Variants in FOXP1 observed in about 807,000 individuals in gnomAD.
FOXP1 encodes the protein forkhead box P1.
A neutral mutation model predicts 98.2 loss-of-function variants in FOXP1; 15 were observed. The observed-to-expected ratio is 0.15, with a 90% CI of 0.10 to 0.24. The LOEUF (loss-of-function observed/expected upper bound fraction) is 0.24. Among genes scored for constraint, FOXP1 ranks in the 10% least tolerant of loss-of-function variants. The probability of loss-of-function intolerance (pLI) is 1.00; values close to 1 mark genes in which losing one functional copy is unlikely to be tolerated. For synonymous variants in FOXP1, 371 were observed against 314.5 expected (o/e 1.18, Z -1.90); for missense variants, 633 against 848.5 (o/e 0.75, Z 3.15).
intron 3 of FOXP1, among the ~76,000 whole-genome samples, chr3:71,466,349 C>T (rs555434432): frequency 7.9e-5 from 12 of 152,340 alleles, no homozygotes; most frequent in Non-Finnish European, 1.2e-4. Context: ...TTGTCAACTT[C>T]TGTCATTCAA....
chr3:71,296,456 G>A (rs1464343157), intron 5 of FOXP1: 1 of 152,076 alleles, frequency 6.6e-6, no homozygotes, highest in Non-Finnish European at 1.5e-5. Context: ...CTAGATAAGA[G>A]ATCAAGATAT....
At chr3:71,320,585 C>T (rs2075332000) in intron 4 of FOXP1, among the ~76,000 whole-genome samples, 1 of 152,116 alleles carries the variant, frequency 6.6e-6, no homozygotes, top group Admixed American at 6.5e-5. Context: ...CCTTTGTACA[C>T]AGTACTTGTC....
chr3:71,238,518 G>A (rs1369367391), intron 5 of FOXP1, among the ~76,000 whole-genome samples: 3 of 152,162 alleles, frequency 2.0e-5, no homozygotes, highest in Non-Finnish European at 4.4e-5. Flanking sequence ...TTTCCTGAAG[G>A]AATACTTGTC....
chr3:71,574,882 C>T (rs890245526), intron 2 of FOXP1, among the ~76,000 whole-genome samples: 7 of 152,174 alleles, frequency 4.6e-5, no homozygotes, highest in African/African-American at 1.7e-4. Context: ...CTCTGTTTCT[C>T]TAAGTCTCCA....
At position 70,970,562 on chromosome 3, in the gene FOXP1, C is replaced by T. The variant is rs141874563; in HGVS notation, c.1722+174G>A. On this transcript the variant is annotated intron_variant, in intron 19 of 20. Transcript: ENST00000649528. ...TTCAAAATGCTAAGCATCCCGCTAA[C>T]GCTGAAGCAGCCCGATGTGTTTGCC... The T allele has an allele frequency of 5.0e-4, 333 of 664,434 alleles. 3 individuals are homozygous for T. The East Asian group carries it at 6.3e-3, about 13-fold the overall frequency. 41.2% of individuals were successfully genotyped at this position (664,434 alleles called of 1,614,324 possible).
intron 6 of FOXP1, among the ~76,000 whole-genome samples, chr3:71,174,474 T>C (rs747320040): frequency 2.0e-5 from 3 of 152,202 alleles, no homozygotes; most frequent in Non-Finnish European, 4.4e-5. Context: ...TACATGTACA[T>C]AGTAATACAC....
Position 71,299,880 on chromosome 3 carries a change from C to G in FOXP1, c.-72G>C, listed in dbSNP as rs555979443. The G allele has an allele frequency of 2.0e-5, 3 of 152,594 alleles. No homozygotes were observed. Among genetic ancestry groups the G allele is most frequent in the Non-Finnish European group, 4.4e-5 (3 of 68,030 alleles). The allele number at this position is 152,594 out of a possible 1,614,324, so 9.5% of individuals were successfully genotyped here. ...GTCACCTCAAAAGGTCACGTCTTAC[C>G]CTGAAAACAAAAGAGAACATCAAAA... On this transcript the variant is annotated splice_region_variant and 5_prime_UTR_variant, in exon 5 of 21. Transcript: ENST00000649528.
intron 5 of FOXP1, among the ~76,000 whole-genome samples, chr3:71,209,732 T>C (rs546493818): frequency 2.6e-4 from 39 of 152,354 alleles, no homozygotes; most frequent in African/African-American, 9.4e-4. Flanking sequence ...GCTTACTGTG[T>C]GTTACAAGAA....
At chr3:71,456,910 T>C (rs1172577662) in intron 3 of FOXP1, among the ~76,000 whole-genome samples, 1 of 151,880 alleles carries the variant, frequency 6.6e-6, no homozygotes, top group African/African-American at 2.4e-5. Flanking sequence ...ATGCCCCATA[T>C]GAAAAAGACT....
chr3:71,484,959 A>T (rs1446952583), intron 3 of FOXP1, among the ~76,000 whole-genome samples: 1 of 152,240 alleles, frequency 6.6e-6, no homozygotes, highest in Non-Finnish European at 1.5e-5. Context: ...CATGTCATAC[A>T]TACTCAACTA....
At chr3:71,395,100 C>CAAAAAAAAAAAAACAAAAA in intron 3 of FOXP1, among the ~76,000 whole-genome samples, 1 of 63,808 alleles carries the variant, frequency 1.6e-5, no homozygotes, top group Non-Finnish European at 2.8e-5. Flanking sequence ...AACCCCGTCA[C>CAAAAAAAAAAAAACAAAAA]AAAAAAAAAA....
intron 2 of FOXP1, among the ~76,000 whole-genome samples, chr3:71,505,415 C>CTTTTTT (rs66459828): frequency 3.7e-5 from 3 of 82,114 alleles, no homozygotes; most frequent in South Asian, 4.1e-4. Flanking sequence ...AAGAGGGATG[C>CTTTTTT]TTTTTTTTTT....
intron 3 of FOXP1, among the ~76,000 whole-genome samples, chr3:71,436,520 A>T (rs1341584886): frequency 6.6e-6 from 1 of 152,142 alleles, no homozygotes; most frequent in South Asian, 2.1e-4. Flanking sequence ...CACTCTCATA[A>T]AAATCAGAAA....
At chr3:71,362,213 C>G (rs2078618581) in intron 3 of FOXP1, among the ~76,000 whole-genome samples, 1 of 152,188 alleles carries the variant, frequency 6.6e-6, no homozygotes, top group Non-Finnish European at 1.5e-5. Context: ...CGCTCTGTCA[C>G]CAGGCTGGAG....
At chr3:71,037,550 A>T (rs918949834) in intron 11 of FOXP1, among the ~76,000 whole-genome samples, 54 of 152,284 alleles carry the variant, frequency 3.5e-4, no homozygotes, top group African/African-American at 1.2e-3. Flanking sequence ...AGAGGCTTGA[A>T]TGCACCTGCT....
rs563697509 is a variant in FOXP1 at position 71,246,141 on chromosome 3, G to C, written c.-11-47749C>G. Among the ~76,000 whole-genome samples, 8 of 152,156 alleles carry C rather than the reference G, an allele frequency of 5.3e-5. No individual in the cohort carries two copies. The East Asian group carries it at 1.4e-3, about 26-fold the overall frequency. The stretch of plus-strand genomic sequence containing the variant: ...GCAGCAGCGAGCCAGCTCTGGCCCC[G>C]ACGCTGAGAAGGCTTCCATATCTTT... On this transcript the variant is annotated intron_variant, in intron 5 of 20. Transcript: ENST00000649528.
At chr3:71,139,502 A>AG (rs2059967607) in intron 6 of FOXP1, among the ~76,000 whole-genome samples, 1 of 152,068 alleles carries the variant, frequency 6.6e-6, no homozygotes, top group Non-Finnish European at 1.5e-5. Flanking sequence ...TAAAAAAAAA[A>AG]AAAGAAACGT....
chr3:71,458,364 A>G (rs1489681393), intron 3 of FOXP1, among the ~76,000 whole-genome samples: 1 of 152,262 alleles, frequency 6.6e-6, no homozygotes, highest in Non-Finnish European at 1.5e-5. Context: ...CACACATTAC[A>G]TAGACACATG....
At chr3:71,368,031 A>G (rs1171848474) in intron 3 of FOXP1, among the ~76,000 whole-genome samples, 1 of 152,206 alleles carries the variant, frequency 6.6e-6, no homozygotes, top group Non-Finnish European at 1.5e-5. Flanking sequence ...TAAGGACTGC[A>G]TGCTACAGCT....
Sources: gnomAD v4.1 joint callset for allele counts (sites outside exome capture counted in the v4.1 genomes callset) on GRCh38, gnomAD v4.1.1 for gene constraint, MANE v1.5 for transcripts, NCBI Gene and HGNC (gene_info 2026-07-23, HGNC 2026-07-21) for gene names.